The following PRKG1 variants were observed in gnomAD, a reference collection of about 807,000 sequenced individuals.
PRKG1 encodes the protein cGMP-dependent protein kinase 1.
In PRKG1, 35 loss-of-function variants were observed where a neutral mutation model predicts 88.1. That is an observed-to-expected ratio of 0.40 (90% confidence interval 0.30 to 0.53). The LOEUF is 0.53. Ranked by LOEUF, PRKG1 falls within the 20% of genes least tolerant of loss-of-function variation. The pLI is 0.59. For missense variants in PRKG1, 540 were observed against 839.8 expected, an observed-to-expected ratio of 0.64 and a Z score of 4.41; for synonymous variants, 303 against 292.5, an observed-to-expected ratio of 1.04 and a Z score of -0.37.
chr10:51,852,239 A>G (rs1170325543), intron 4 of PRKG1, among the ~76,000 whole-genome samples: 1 of 150,150 alleles, frequency 6.7e-6, no homozygotes, highest in Non-Finnish European at 1.5e-5. Context: ...ACACACACAC[A>G]CACGTCATAT....
At chr10:51,646,549 A>G (rs1005932910) in intron 3 of PRKG1, among the ~76,000 whole-genome samples, 10 of 152,082 alleles carry the variant, frequency 6.6e-5, no homozygotes, top group Admixed American at 3.3e-4. Flanking sequence ...TTACGTATAT[A>G]AGCTTATATA....
intron 10 of PRKG1, chr10:52,251,880 C>T (rs79543394): frequency 2.2e-6 from 1 of 450,490 alleles, no homozygotes; most frequent in African/African-American, 2.0e-5. Context: ...AAAATAACAC[C>T]TTGCTTTTTA....
At chr10:51,178,686 A>G (rs1280297658) in intron 2 of PRKG1, among the ~76,000 whole-genome samples, 1 of 151,984 alleles carries the variant, frequency 6.6e-6, no homozygotes, top group Non-Finnish European at 1.5e-5. Flanking sequence ...CCTTTCTCCT[A>G]TTTTTCAACA....
At chr10:51,728,675 G>T (rs1359575174) in intron 3 of PRKG1, among the ~76,000 whole-genome samples, 2 of 152,068 alleles carry the variant, frequency 1.3e-5, no homozygotes, top group Non-Finnish European at 2.9e-5. Context: ...ATCAGCTATT[G>T]TAATTACAGA....
intron 5 of PRKG1, among the ~76,000 whole-genome samples, chr10:52,000,578 T>A (rs900689289): frequency 7.9e-5 from 12 of 152,162 alleles, no homozygotes; most frequent in African/African-American, 2.9e-4. Context: ...TAATACAGAA[T>A]TGGTTGTGAA....
At chr10:51,898,272 C>G (rs1020569554) in intron 4 of PRKG1, among the ~76,000 whole-genome samples, 5 of 152,076 alleles carry the variant, frequency 3.3e-5, no homozygotes, top group African/African-American at 1.2e-4. Flanking sequence ...ATAACTGCTA[C>G]CCTGTTCATC....
chr10:52,163,501 T>A (rs1051735937), intron 9 of PRKG1, among the ~76,000 whole-genome samples: 2 of 152,124 alleles, frequency 1.3e-5, no homozygotes, highest in South Asian at 2.1e-4. Context: ...TAGACTAATG[T>A]ATTTTTGCTG....
chr10:51,997,291 T>C (rs1322287953), intron 5 of PRKG1, among the ~76,000 whole-genome samples: 5 of 151,758 alleles, frequency 3.3e-5, no homozygotes, highest in African/African-American at 1.2e-4. Flanking sequence ...GCCAACATGG[T>C]GAAACCCCGT....
At chr10:51,402,077 G>A (rs745530998) in intron 2 of PRKG1, among the ~76,000 whole-genome samples, 32 of 151,976 alleles carry the variant, frequency 2.1e-4, no homozygotes, top group Admixed American at 1.1e-3. Flanking sequence ...TATAAATATT[G>A]GAAATTATAG....
chr10:51,874,904 A>C (rs1315925692), intron 4 of PRKG1, among the ~76,000 whole-genome samples: 3 of 152,210 alleles, frequency 2.0e-5, no homozygotes, highest in Non-Finnish European at 4.4e-5. Flanking sequence ...AGGTAATTAA[A>C]TAATTAATTT....
chr10:51,404,261 C>G (rs1223185457), intron 2 of PRKG1, among the ~76,000 whole-genome samples: 2 of 152,176 alleles, frequency 1.3e-5, no homozygotes, highest in Non-Finnish European at 2.9e-5. Flanking sequence ...GAAAATCTTC[C>G]TTAACTTAGT....
At chr10:51,313,567 T>C (rs186181037) in intron 2 of PRKG1, among the ~76,000 whole-genome samples, 1 of 152,244 alleles carries the variant, frequency 6.6e-6, no homozygotes, top group East Asian at 1.9e-4. Flanking sequence ...CTCTTCCCTA[T>C]AGGTTAAAGA....
At chr10:51,834,700 GAGAGAGAA>G (rs1255046994) in intron 4 of PRKG1, among the ~76,000 whole-genome samples, 7 of 124,148 alleles carry the variant, frequency 5.6e-5, no homozygotes, top group African/African-American at 8.0e-5. Flanking sequence ...AAGAAAGAGA[GAGAGAGAA>G]AGAGAAAGAG....
chr10:51,726,883 T>C (rs894984770), intron 3 of PRKG1, among the ~76,000 whole-genome samples: 2 of 151,990 alleles, frequency 1.3e-5, no homozygotes, highest in Non-Finnish European at 2.9e-5. Flanking sequence ...TTCACGCCAT[T>C]CTCCTGCCTC....
rs1400741886 is a variant in PRKG1 at position 52,295,501 on chromosome 10, C to G, written c.*1601C>G. 1 of 152,022 alleles carries G rather than the reference C, an allele frequency of 6.6e-6. No individual in the cohort carries two copies. Among genetic ancestry groups the G allele is most frequent in the Non-Finnish European group, 1.5e-5 (1 of 67,958 alleles). The allele number at this position is 152,022 out of a possible 1,614,324, so 9.4% of individuals were successfully genotyped here. ...TGGCATGCCAGTTGACTATTATTAGCTGTCATAAGTAACTCAGCCATTTGG... is the reference window on the plus strand; with the variant it reads ...TGGCATGCCAGTTGACTATTATTAGGTGTCATAAGTAACTCAGCCATTTGG... On this transcript the variant is annotated 3_prime_UTR_variant, in exon 18 of 18. Coordinates refer to ENST00000373980, the MANE Select transcript of PRKG1 (RefSeq NM_006258.4).
intron 5 of PRKG1, among the ~76,000 whole-genome samples, chr10:52,026,198 T>A (rs902597523): frequency 6.6e-6 from 1 of 152,158 alleles, no homozygotes; most frequent in Non-Finnish European, 1.5e-5. Context: ...TGGGGATTTA[T>A]TAAAATATAT....
intron 3 of PRKG1, among the ~76,000 whole-genome samples, chr10:51,768,019 AT>A (rs200782831): frequency 0.01 from 1,513 of 149,116 alleles, 19 homozygotes; most frequent in African/African-American, 0.037. Context: ...TAAAAAAAAA[AT>A]AAATAAATAA....
intron 3 of PRKG1, among the ~76,000 whole-genome samples, chr10:51,496,133 T>C (rs569603676): frequency 6.6e-6 from 1 of 152,306 alleles, no homozygotes; most frequent in Non-Finnish European, 1.5e-5. Flanking sequence ...TGGTACAAAA[T>C]TCAAGAATGA....
chr10:51,457,388 G>A (rs957841755), intron 2 of PRKG1, among the ~76,000 whole-genome samples: 7 of 152,116 alleles, frequency 4.6e-5, no homozygotes, highest in Non-Finnish European at 1.0e-4. Flanking sequence ...AGGACACAAA[G>A]ACATAAGAAT....
Sources: gnomAD v4.1 joint callset for allele counts (sites outside exome capture counted in the v4.1 genomes callset) on GRCh38, gnomAD v4.1.1 for gene constraint, MANE v1.5 for transcripts, NCBI Gene and HGNC (gene_info 2026-07-23, HGNC 2026-07-21) for gene names.